Variants in MASP1 observed in about 807,000 individuals in gnomAD.
The protein encoded by MASP1 is MBL associated serine protease 1.
A neutral mutation model predicts 77.1 loss-of-function variants in MASP1; 59 were observed. The ratio of observed to expected loss-of-function variants is 0.77; its 90% CI spans 0.62 to 0.95. The LOEUF is 0.95. Ranked by LOEUF, MASP1 falls within the 40% of genes least tolerant of loss-of-function variation. The pLI is 0.00. For missense variants in MASP1, 885 were observed against 912.9 expected (o/e 0.97, Z 0.39); for synonymous variants, 362 against 354.5 (o/e 1.02, Z -0.24).
intron 6 of MASP1, among the ~76,000 whole-genome samples, chr3:187,252,366 G>A (rs1329987903): frequency 1.3e-5 from 2 of 152,156 alleles, no homozygotes; most frequent in Admixed American, 1.3e-4. Flanking sequence ...TTCTTCCCGA[G>A]GCCCTTCTTC....
rs372560362 is a variant in MASP1 at position 187,236,452 on chromosome 3, C to T, written c.1419G>A (p.Ser473=). The T allele has an allele frequency of 2.5e-5, 41 of 1,614,070 alleles. No homozygotes were observed. Among genetic ancestry groups the T allele is most frequent in the African/African-American group, 8.0e-5 (6 of 74,936 alleles). ...CAAACCACTTGTCATTTGGCACTCT[C>T]GAAGTGTCCTCCACCACTATCAGGG... The part of the protein sequence containing the change: ...WQALIVVEDT[S]RVPNDKWFGS... The change falls in exon 11 of 11, where the codon TCG becomes TCA. Residue 473 remains serine, a synonymous_variant. Transcript: ENST00000296280.
downstream of MASP1, among the ~76,000 whole-genome samples, chr3:187,231,636 T>C (rs375566671): frequency 2.9e-4 from 44 of 152,234 alleles, no homozygotes; most frequent in African/African-American, 1.0e-3. Flanking sequence ...ATCAGATACA[T>C]TTTGCATCCC....
chr3:187,251,964 G>A (rs1714645956), intron 6 of MASP1, among the ~76,000 whole-genome samples: 1 of 152,236 alleles, frequency 6.6e-6, no homozygotes, highest in African/African-American at 2.4e-5. Context: ...CTTGTAGAAT[G>A]AAATGGTTGA....
chr3:187,230,879 A>G (rs1712729454), downstream of MASP1, among the ~76,000 whole-genome samples: 1 of 152,140 alleles, frequency 6.6e-6, no homozygotes, highest in Non-Finnish European at 1.5e-5. Context: ...AGCCCCATAA[A>G]CTTTTAATTA....
rs1208810758 is a variant in MASP1 at position 187,247,525 on chromosome 3, G to A, written c.1090+2726C>T. On this transcript the variant is annotated intron_variant, in intron 8 of 10. Transcript: ENST00000296280. Reference sequence around the variant, plus strand: ...ATACAGAAATTACTCCACCAGAATTGATTAAGAATGCATAGTTTAGGTACA... The same window carrying A: ...ATACAGAAATTACTCCACCAGAATTAATTAAGAATGCATAGTTTAGGTACA... 4.4e-6 allele frequency: 4 copies of A among 918,444 alleles called. No homozygotes were observed. The African/African-American group carries it at 6.5e-5, about 15-fold the overall frequency. 56.9% of individuals were successfully genotyped at this position (918,444 alleles called of 1,614,324 possible). A position where few individuals can be genotyped will look rare whatever the true frequency, so the allele number is the denominator to read the frequency against.
intron 1 of MASP1, among the ~76,000 whole-genome samples, chr3:187,290,389 A>T (rs1232944019): frequency 6.6e-6 from 1 of 152,216 alleles, no homozygotes; most frequent in Non-Finnish European, 1.5e-5. Flanking sequence ...AAGTAGTTTG[A>T]TATGGGCTGG....
rs1396940901 is a variant in MASP1 at position 187,235,804 on chromosome 3, A to G, written c.2067T>C (p.Pro689=). The G allele has an allele frequency of 6.2e-7, 1 of 1,614,172 alleles. No homozygotes were observed. The highest frequency in any genetic ancestry group is 1.3e-5 in the African/African-American group (1 of 75,028). Residue 689 remains proline, a synonymous_variant, in exon 11 of 11, where the codon CCT becomes CCC. Coordinates refer to ENST00000296280, the MANE Select transcript of MASP1 (RefSeq NM_139125.4). ...VVQGLVSWGG[P]EECGSKQVYG... is the part of the protein sequence containing the mutation. ...AGACCTGCTTGCTGCCGCATTCTTC[A>G]GGTCCCCCCCAGGACACCAGGCCTT...
At chr3:187,247,103 T>C in intron 8 of MASP1, 1 of 1,417,336 alleles carries the variant, frequency 7.1e-7, no homozygotes, top group Non-Finnish European at 9.2e-7. Context: ...TTTTTTTTCA[T>C]TATTTTCTGG....
rs760217522 is a variant in MASP1, at chr3:187,234,861, C to T, written c.*823G>A. ...TTCAAGGCTGAAAGATTGCTTTGTG[C>T]TTGTCTGGAGCAGCAGGTGTGGACG... On this transcript the variant is annotated 3_prime_UTR_variant, in exon 11 of 11. Coordinates refer to ENST00000296280, the MANE Select transcript of MASP1 (RefSeq NM_139125.4). 1 of 1,287,280 alleles carries T rather than the reference C, an allele frequency of 7.8e-7. No individual in the cohort carries two copies. Among genetic ancestry groups the T allele is most frequent in the South Asian group, 1.2e-5 (1 of 80,944 alleles). The allele number at this position is 1,287,280 out of a possible 1,614,324, so 79.7% of individuals were successfully genotyped here. A position where few individuals can be genotyped will look rare whatever the true frequency, so the allele number is the denominator to read the frequency against.
chr3:187,238,878 T>A (rs1014168253), intron 10 of MASP1, among the ~76,000 whole-genome samples: 1 of 152,202 alleles, frequency 6.6e-6, no homozygotes, highest in Non-Finnish European at 1.5e-5. Context: ...GCCTTCTCCA[T>A]CCTGGCCTGC....
Position 187,236,075 on chromosome 3 carries a change from T to C in MASP1, c.1796A>G (p.Asn599Ser). 6.2e-7 allele frequency: 1 copy of C among 1,614,106 alleles called. No individual in the cohort carries two copies. Among genetic ancestry groups the C allele is most frequent in the Non-Finnish European group, 8.5e-7 (1 of 1,180,044 alleles). ...LVAGWGISNP[N>S]VTVDEIISSG... Reference sequence around the variant, plus strand: ...GCTGATGATCTCATCCACTGTCACATTGGGATTGGAGATGCCCCAGCCGGC... The same window carrying C: ...GCTGATGATCTCATCCACTGTCACACTGGGATTGGAGATGCCCCAGCCGGC... Residue 599 changes from asparagine to serine, a missense_variant, in exon 11 of 11, where the codon AAT becomes AGT. Coordinates refer to ENST00000296280, the MANE Select transcript of MASP1 (RefSeq NM_139125.4).
intron 3 of MASP1, among the ~76,000 whole-genome samples, chr3:187,261,208 T>C (rs1715548467): frequency 6.6e-6 from 1 of 152,210 alleles, no homozygotes; most frequent in African/African-American, 2.4e-5. Flanking sequence ...TTTGTTACTA[T>C]GCATTCTGTT....
chr3:187,247,721 C>A (rs552011355), intron 8 of MASP1, among the ~76,000 whole-genome samples: 1 of 152,158 alleles, frequency 6.6e-6, no homozygotes, highest in Non-Finnish European at 1.5e-5. Flanking sequence ...GGGCTTGTCC[C>A]GGGGTCACCA....
intron 4 of MASP1, among the ~76,000 whole-genome samples, chr3:187,258,357 G>A (rs891428028): frequency 3.1e-4 from 47 of 152,304 alleles, no homozygotes; most frequent in African/African-American, 1.0e-3. Context: ...CTGAAAGGAC[G>A]TTTAGACCCT....
chr3:187,231,892 C>A (rs1712787896), downstream of MASP1, among the ~76,000 whole-genome samples: 2 of 152,192 alleles, frequency 1.3e-5, no homozygotes, highest in South Asian at 2.1e-4. Flanking sequence ...GATGCATGGG[C>A]AGTTTCCTAC....
rs796497274 is a variant in MASP1, at chr3:187,224,495, C to T, written c.1741+829G>A. On this transcript the variant is annotated intron_variant, in intron 13 of 15. Transcript: ENST00000337774. ...CCAAGTAGCTGGGACTACAGGCGCCCGCCACTATGCCCGGCTAATTTTTTG... is the reference window on the plus strand; with the variant it reads ...CCAAGTAGCTGGGACTACAGGCGCCTGCCACTATGCCCGGCTAATTTTTTG... Among the ~76,000 whole-genome samples the T allele has an allele frequency of 1.8e-4, 27 of 151,690 alleles. No individual in the cohort carries two copies. The South Asian group carries it at 3.2e-3, about 18-fold the overall frequency.
rs1013018345 is a variant in MASP1 at position 187,262,808 on chromosome 3, A to C, written c.238-88T>G. ...CTTTAGAAAGAAAAAGGAAGGGGCCACCCAAGAGTAGGCTAGTCAGCCTGA... is the reference window on the plus strand; with the variant it reads ...CTTTAGAAAGAAAAAGGAAGGGGCCCCCCAAGAGTAGGCTAGTCAGCCTGA... On this transcript the variant is annotated intron_variant, in intron 2 of 10. Coordinates refer to ENST00000296280, the MANE Select transcript of MASP1 (RefSeq NM_139125.4). 11 of 1,208,080 alleles carry C rather than the reference A, an allele frequency of 9.1e-6. No homozygotes were observed. In the African/African-American group the frequency reaches 1.6e-4, roughly 18 times the overall value. The allele number at this position is 1,208,080 out of a possible 1,614,324, so 74.8% of individuals were successfully genotyped here.
In MASP1 at chr3:187,236,047, A is replaced by G. The variant is rs7652842; in HGVS notation, c.1824T>C (p.Ser608=). The change falls in exon 11 of 11, where the codon AGT becomes AGC. Residue 608 remains serine (S), a synonymous_variant. Transcript: ENST00000296280. ...GGACATCTGACAAGGTCCGTGTGCC[A>G]CTGCTGATGATCTCATCCACTGTCA... The part of the protein sequence containing the change: ...PNVTVDEIIS[S]GTRTLSDVLQ... The G allele has an allele frequency of 1.6e-3, 2,636 of 1,614,168 alleles. 16 individuals are homozygous for G. In the African/African-American group the frequency reaches 0.027, roughly 17 times the overall value.
intron 2 of MASP1, among the ~76,000 whole-genome samples, chr3:187,279,777 C>A (rs1432658397): frequency 6.6e-6 from 1 of 152,202 alleles, no homozygotes; most frequent in African/African-American, 2.4e-5. Context: ...CCTCTAAAGA[C>A]TAATCTCAAA....
Sources: allele counts gnomAD v4.1 joint callset (sites outside exome capture counted in the v4.1 genomes callset), GRCh38; gene constraint gnomAD v4.1.1; transcripts MANE v1.5; gene names NCBI Gene and HGNC (gene_info 2026-07-23, HGNC 2026-07-21).